Variants in LGR6 observed in about 807,000 individuals in gnomAD.
LGR6 encodes the protein leucine-rich repeat-containing G protein-coupled receptor 6.
LGR6 carries 45 observed loss-of-function variants against 69.4 expected under a neutral mutation model. That is an observed-to-expected ratio of 0.65 (90% CI 0.51 to 0.83). The LOEUF (loss-of-function observed/expected upper bound fraction) is 0.83. Ranked by LOEUF, LGR6 falls within the 40% of genes least tolerant of loss-of-function variation. The pLI is 0.00. For missense variants in LGR6, 1,108 were observed against 1,246.7 expected (o/e 0.89, Z 1.68); for synonymous variants, 538 against 555.0 (o/e 0.97, Z 0.43).
intron 1 of LGR6, among the ~76,000 whole-genome samples, chr1:202,208,830 T>C (rs1659356395): frequency 6.6e-6 from 1 of 152,108 alleles, no homozygotes; most frequent in Non-Finnish European, 1.5e-5. Flanking sequence ...GGGTGGGGCT[T>C]GGGGTCAGGA....
At chr1:202,217,841 G>A (rs1659886665) in intron 1 of LGR6, among the ~76,000 whole-genome samples, 1 of 152,168 alleles carries the variant, frequency 6.6e-6, no homozygotes, top group African/African-American at 2.4e-5. Flanking sequence ...TAAAAATACA[G>A]CATTGTTCTC....
rs149192479 is a variant in LGR6, at chr1:202,220,657, G to A, written c.213-4766G>A. On this transcript the variant is annotated intron_variant, in intron 1 of 17. Transcript: ENST00000367278. ...TGTCCTGGGGGGATAACAACGGCAG[G>A]TGCTGTGCTACATGCATGGTAAGTG... Among the ~76,000 whole-genome samples the A allele has an allele frequency of 1.5e-3, 221 of 152,340 alleles. 1 individual carries two copies. The South Asian group carries it at 0.02, about 14-fold the overall frequency.
chr1:202,224,657 C>A (rs963524312), intron 1 of LGR6, among the ~76,000 whole-genome samples: 3 of 152,206 alleles, frequency 2.0e-5, no homozygotes, highest in African/African-American at 7.2e-5. Context: ...CCCTCGCATG[C>A]GCAGTTCACA....
chr1:202,273,220 A>C (rs1001563835), intron 4 of LGR6, among the ~76,000 whole-genome samples: 1 of 152,178 alleles, frequency 6.6e-6, no homozygotes, highest in Non-Finnish European at 1.5e-5. Flanking sequence ...AGGACTCAAT[A>C]AATGGAGACA....
At chr1:202,285,550 A>G (rs1306184454) in intron 6 of LGR6, among the ~76,000 whole-genome samples, 3 of 152,232 alleles carry the variant, frequency 2.0e-5, no homozygotes, top group Non-Finnish European at 2.9e-5. Context: ...GATCGCATTA[A>G]ATGAGATGAC....
chr1:202,278,613 G>A (rs866138800), intron 5 of LGR6, among the ~76,000 whole-genome samples: 1 of 152,160 alleles, frequency 6.6e-6, no homozygotes, highest in Non-Finnish European at 1.5e-5. Context: ...GAGGTGACCT[G>A]TGAAGTGGAC....
chr1:202,280,838 CA>C lies in LGR6; in HGVS notation c.704del (p.Asn235IlefsTer5). Reference sequence around the variant, plus strand: ...GGACCCACAGCTTCGAGGGGCTGCACAATCTGGAGACACTGTGAGTTTTGAG... The same window carrying C: ...GGACCCACAGCTTCGAGGGGCTGCACATCTGGAGACACTGTGAGTTTTGAG... ...LGTHSFEGLHNLETLDLNYNK... is the reference protein window; with the variant it reads ...LGTHSFEGLHXLETLDLNYNK... On this transcript the variant is annotated frameshift_variant, in exon 6 of 18. Coordinates refer to ENST00000367278, the MANE Select transcript of LGR6 (RefSeq NM_001017403.2). LOFTEE classifies it high-confidence loss of function. 2.5e-6 allele frequency: 4 copies of C among 1,613,818 alleles called. No homozygotes were observed. Among genetic ancestry groups the C allele is most frequent in the Non-Finnish European group, 3.4e-6 (4 of 1,179,806 alleles).
In LGR6 at chr1:202,317,867, C is replaced by A; in HGVS notation, c.1649-85C>A. On this transcript the variant is annotated intron_variant, in intron 17 of 17. Transcript: ENST00000367278. Reference sequence around the variant, plus strand: ...GTTCATCTCCTTTTGATTGGAAATTCTCTGAATACAGAGGCTGACCTTGGT... The same window carrying A: ...GTTCATCTCCTTTTGATTGGAAATTATCTGAATACAGAGGCTGACCTTGGT... The A allele has an allele frequency of 2.3e-6, 3 of 1,329,194 alleles. No individual in the cohort carries two copies. In the South Asian group the frequency reaches 4.2e-5, roughly 19 times the overall value. The allele number at this position is 1,329,194 out of a possible 1,614,324, so 82.3% of individuals were successfully genotyped here. A position where few individuals can be genotyped will look rare whatever the true frequency, so the allele number is the denominator to read the frequency against.
At chr1:202,254,557 G>A (rs1663594826) in intron 4 of LGR6, among the ~76,000 whole-genome samples, 1 of 152,214 alleles carries the variant, frequency 6.6e-6, no homozygotes, top group Non-Finnish European at 1.5e-5. Context: ...GATCTGTGTT[G>A]TACACTTCCC....
intron 1 of LGR6, among the ~76,000 whole-genome samples, chr1:202,196,365 A>G (rs1658640589): frequency 6.6e-6 from 1 of 152,206 alleles, no homozygotes; most frequent in Non-Finnish European, 1.5e-5. Flanking sequence ...GCTGGCATGC[A>G]GAAGAGCCAG....
At chr1:202,232,326 C>T (rs962690854) in intron 3 of LGR6, among the ~76,000 whole-genome samples, 15 of 152,154 alleles carry the variant, frequency 9.9e-5, no homozygotes, top group Non-Finnish European at 1.6e-4. Flanking sequence ...TGGTTCCTGC[C>T]CCCAAATGCC....
At chr1:202,218,614 C>T (rs1182957444) in intron 1 of LGR6, among the ~76,000 whole-genome samples, 1 of 152,174 alleles carries the variant, frequency 6.6e-6, no homozygotes. Flanking sequence ...ACAGTCCCGC[C>T]CAGTAAAGAA....
intron 1 of LGR6, among the ~76,000 whole-genome samples, chr1:202,205,506 A>G (rs1282092002): frequency 4.1e-4 from 34 of 82,464 alleles, no homozygotes; most frequent in Non-Finnish European, 7.8e-4. Context: ...CCCTGCTTCA[A>G]ACACACACAC....
Position 202,318,432 on chromosome 1 carries a change from A to C in LGR6, c.2129A>C (p.Glu710Ala), listed in dbSNP as rs1327053372. ...GCGCTGCCCCTGGCCTCAGTGGGAG[A>C]ATACGGGGCCTCCCCACTCTGCCTG... Reference protein sequence around the residue: ...AAALPLASVGEYGASPLCLPY... With the variant: ...AAALPLASVGAYGASPLCLPY... Residue 710 changes from glutamate to alanine, a missense_variant, in exon 18 of 18, where the codon GAA becomes GCA. Coordinates refer to ENST00000367278, the MANE Select transcript of LGR6 (RefSeq NM_001017403.2). The C allele has an allele frequency of 6.2e-7, 1 of 1,611,344 alleles. No homozygotes were observed. Among genetic ancestry groups the C allele is most frequent in the South Asian group, 1.1e-5 (1 of 90,808 alleles).
At chr1:202,294,353 A>C (rs1334418615) in intron 6 of LGR6, among the ~76,000 whole-genome samples, 2 of 152,246 alleles carry the variant, frequency 1.3e-5, no homozygotes, top group Non-Finnish European at 2.9e-5. Context: ...CTATATTGCT[A>C]CATAACAAAT....
intron 9 of LGR6, among the ~76,000 whole-genome samples, chr1:202,302,118 G>A (rs1667646812): frequency 6.6e-6 from 1 of 152,130 alleles, no homozygotes; most frequent in Admixed American, 6.6e-5. Flanking sequence ...CTTGAACCTG[G>A]GAGGCTGAGG....
At chr1:202,274,141 A>G (rs1044542126) in intron 4 of LGR6, among the ~76,000 whole-genome samples, 2 of 152,284 alleles carry the variant, frequency 1.3e-5, no homozygotes, top group Non-Finnish European at 2.9e-5. Flanking sequence ...ATCCTCGACC[A>G]TCCCTGGTAA....
intron 1 of LGR6, among the ~76,000 whole-genome samples, chr1:202,211,988 T>C (rs1251548159): frequency 6.6e-6 from 1 of 152,238 alleles, no homozygotes; most frequent in Non-Finnish European, 1.5e-5. Context: ...ATGTTGTTGC[T>C]GGTGGTCATA....
chr1:202,251,500 TG>T (rs891861712), intron 4 of LGR6, among the ~76,000 whole-genome samples: 2 of 152,166 alleles, frequency 1.3e-5, no homozygotes, highest in African/African-American at 4.8e-5. Context: ...GGTTGGGGTA[TG>T]GGGGGCAGGA....
Sources: allele counts gnomAD v4.1 joint callset (sites outside exome capture counted in the v4.1 genomes callset), GRCh38; gene constraint gnomAD v4.1.1; transcripts MANE v1.5; gene names NCBI Gene and HGNC (gene_info 2026-07-23, HGNC 2026-07-21).